Variants in DDX31 observed in about 807,000 individuals in gnomAD.
DDX31 encodes DEAD-box helicase 31, also known as ATP-dependent DNA helicase DDX31.
DDX31 carries 70 observed loss-of-function variants against 91.3 expected under a neutral mutation model. The ratio of observed to expected loss-of-function variants is 0.77; its 90% confidence interval spans 0.63 to 0.94. DDX31 has a LOEUF of 0.94. DDX31 is among the 40% of genes least tolerant of loss of function. DDX31 has a pLI of 0.00. For missense variants in DDX31, 902 were observed against 925.0 expected, an observed-to-expected ratio of 0.98 and a Z score of 0.32; for synonymous variants, 362 against 350.6, an observed-to-expected ratio of 1.03 and a Z score of -0.36.
Position 132,661,174 on chromosome 9 carries a change from G to A in DDX31, c.452+34C>T, listed in dbSNP as rs769750642. 6 of 1,593,122 alleles carry A rather than the reference G, an allele frequency of 3.8e-6. No individual in the cohort carries two copies. In the South Asian group the frequency reaches 5.5e-5, roughly 15 times the overall value. Reference sequence around the variant, plus strand: ...TTTCGTCCGGTTATACCCACGTAATGCCTAAGAAATCAAGAGGAGCCTGAA... The same window carrying A: ...TTTCGTCCGGTTATACCCACGTAATACCTAAGAAATCAAGAGGAGCCTGAA... On this transcript the variant is annotated intron_variant, in intron 4 of 19. Transcript: ENST00000372159.
rs183085711 is a variant in DDX31, at chr9:132,659,358, C to T, written c.523+352G>A. Among the ~76,000 whole-genome samples, 98 of 152,284 alleles carry T rather than the reference C, an allele frequency of 6.4e-4. 1 individual carries two copies. Among genetic ancestry groups the T allele is most frequent in the East Asian group, 5.4e-3 (28 of 5,182 alleles). The stretch of plus-strand genomic sequence containing the variant: ...GCACAACTGGCATCTGATCAGTGTA[C>T]GCTCAGGCCAGAAATCACTCTGTGT... On this transcript the variant is annotated intron_variant, in intron 5 of 19. Coordinates refer to ENST00000372159, the MANE Select transcript of DDX31 (RefSeq NM_022779.9).
intron 18 of DDX31, among the ~76,000 whole-genome samples, chr9:132,617,790 C>G (rs1323658254): frequency 6.6e-6 from 1 of 152,174 alleles, no homozygotes; most frequent in Non-Finnish European, 1.5e-5. Flanking sequence ...TCCCAGGAGC[C>G]AACTTATCCA....
chr9:132,611,297 G>A (rs970978505), intron 19 of DDX31, among the ~76,000 whole-genome samples: 2 of 152,184 alleles, frequency 1.3e-5, no homozygotes, highest in African/African-American at 2.4e-5. Flanking sequence ...TCAACGGACC[G>A]TTCCCACATA....
chr9:132,666,718 T>G (rs1028078192), intron 1 of DDX31, among the ~76,000 whole-genome samples: 22 of 151,264 alleles, frequency 1.5e-4, no homozygotes, highest in Middle Eastern at 3.4e-3. Context: ...TTTTGTTTTT[T>G]TTTTTTGAGA....
At chr9:132,642,206 C>T (rs879406449) in intron 13 of DDX31, 143 bp from the exon 14 acceptor site, 21 of 734,764 alleles carry the variant, frequency 2.9e-5, no homozygotes, top group Admixed American at 1.9e-4. Flanking sequence ...GAGGAAGAAG[C>T]GGATTCTTTA....
At chr9:132,647,826 TA>T (rs370770829) in intron 11 of DDX31, among the ~76,000 whole-genome samples, 24 of 152,232 alleles carry the variant, frequency 1.6e-4, no homozygotes, top group African/African-American at 5.8e-4. Flanking sequence ...GTGATTACAT[TA>T]AAAATGCACT....
intron 9 of DDX31, 36 bp downstream of exon 9, chr9:132,650,198 C>T (rs1292983455): frequency 6.2e-7 from 1 of 1,604,412 alleles, no homozygotes; most frequent in Admixed American, 1.7e-5. Context: ...AGGACACATT[C>T]AAGAAGGAAA....
At chr9:132,648,406 T>C in intron 10 of DDX31, 26 bp downstream of exon 10, 2 of 1,611,642 alleles carry the variant, frequency 1.2e-6, no homozygotes, top group Admixed American at 1.7e-5. Flanking sequence ...CTCTTCTACC[T>C]GTTATCATCC....
At chr9:132,626,386 C>G (rs998907258) in intron 16 of DDX31, among the ~76,000 whole-genome samples, 9 of 152,194 alleles carry the variant, frequency 5.9e-5, no homozygotes, top group Non-Finnish European at 1.2e-4. Context: ...GGAACAGAAG[C>G]CACAAGGAGC....
intron 17 of DDX31, among the ~76,000 whole-genome samples, chr9:132,619,933 T>G (rs985452478): frequency 1.3e-5 from 2 of 151,920 alleles, no homozygotes; most frequent in African/African-American, 4.8e-5. Flanking sequence ...CCCTTTCCCC[T>G]GGCGGACAGA....
chr9:132,668,502 G>A (rs1835464540), intron 1 of DDX31, among the ~76,000 whole-genome samples: 1 of 151,748 alleles, frequency 6.6e-6, no homozygotes, highest in Non-Finnish European at 1.5e-5. Context: ...AAGTATGAGT[G>A]ACCATGGCCC....
At chr9:132,651,206 G>A (rs1208639258) in intron 7 of DDX31, 90 bp from the exon 8 acceptor site, 2 of 1,100,634 alleles carry the variant, frequency 1.8e-6, no homozygotes, top group Admixed American at 2.3e-5. Flanking sequence ...ATCCAAACTT[G>A]GACCTCAAGT....
chr9:132,663,425 A>G (rs1835113313), intron 1 of DDX31: 2 of 985,262 alleles, frequency 2.0e-6, no homozygotes, highest in Non-Finnish European at 2.4e-6. Flanking sequence ...ATTGCGGATT[A>G]CAGGCTACAC....
At chr9:132,606,724 C>A (rs1226044855) in intron 19 of DDX31, among the ~76,000 whole-genome samples, 3 of 152,124 alleles carry the variant, frequency 2.0e-5, no homozygotes, top group Admixed American at 6.5e-5. Flanking sequence ...GTGGCCCGGC[C>A]AGGATTCAAT....
intron 5 of DDX31, among the ~76,000 whole-genome samples, chr9:132,659,149 T>C (rs770827591): frequency 6.6e-6 from 1 of 152,202 alleles, no homozygotes; most frequent in Non-Finnish European, 1.5e-5. Flanking sequence ...GTCTGTACTC[T>C]AGAGCTAATC....
intron 19 of DDX31, among the ~76,000 whole-genome samples, chr9:132,597,945 G>A (rs1163146789): frequency 1.3e-5 from 2 of 152,190 alleles, no homozygotes; most frequent in East Asian, 1.9e-4. Context: ...TGGGTCCTAC[G>A]TGCCTTCAGT....
In DDX31 at chr9:132,646,090, A is replaced by G; in HGVS notation, c.1204-19T>C. The G allele has an allele frequency of 6.2e-7, 1 of 1,605,184 alleles. No homozygotes were observed. Among genetic ancestry groups the G allele is most frequent in the Non-Finnish European group, 8.5e-7 (1 of 1,173,498 alleles). On this transcript the variant is annotated intron_variant, in intron 12 of 19. Transcript: ENST00000372159. ...CCTCAAACTACATCGATACAAAGGG[A>G]GGAAAAACCGACATATTTTAAGATT...
intron 17 of DDX31, among the ~76,000 whole-genome samples, chr9:132,623,052 C>T (rs1832141153): frequency 6.6e-6 from 1 of 151,188 alleles, no homozygotes; most frequent in Non-Finnish European, 1.5e-5. Flanking sequence ...ATCGGTGGAA[C>T]CCAGGAGGCA....
At chr9:132,639,512 T>C (rs1833352213) in intron 14 of DDX31, among the ~76,000 whole-genome samples, 1 of 152,244 alleles carries the variant, frequency 6.6e-6, no homozygotes, top group Non-Finnish European at 1.5e-5. Context: ...TGGGAGGTAC[T>C]GTGCTTTGCC....
Sources: allele counts gnomAD v4.1 joint callset (sites outside exome capture counted in the v4.1 genomes callset), GRCh38; gene constraint gnomAD v4.1.1; transcripts MANE v1.5; gene names NCBI Gene and HGNC (gene_info 2026-07-23, HGNC 2026-07-21).